Variants in GET4 observed in about 807,000 individuals in gnomAD.
GET4 encodes the protein guided entry of tail-anchored proteins factor 4, also known as Golgi to ER traffic protein 4 homolog.
GET4 carries 20 observed loss-of-function variants against 40.0 expected under a neutral mutation model. The observed-to-expected ratio is 0.50, with a 90% CI of 0.35 to 0.73. The LOEUF is 0.73. GET4 is among the 30% of genes least tolerant of loss of function. The probability of loss-of-function intolerance (pLI) is 0.01; values close to 1 mark genes in which losing one functional copy is unlikely to be tolerated. For synonymous variants in GET4, 280 were observed against 194.6 expected, an observed-to-expected ratio of 1.44 and a Z score of -3.65; for missense variants, 557 against 454.0, an observed-to-expected ratio of 1.23 and a Z score of -2.06.
chr7:895,399 G>T lies in GET4; in HGVS notation c.961G>T (p.Gly321Cys). ...GGATGGGGAGGAGAGCCCCAGCGACGGCAGCCCCATCGAGCTGGACTGAAC... is the reference window on the plus strand; with the variant it reads ...GGATGGGGAGGAGAGCCCCAGCGACTGCAGCCCCATCGAGCTGGACTGAAC... ...QEDGEESPSD[G>C]SPIELD The change falls in exon 9 of 9, where the codon GGC becomes TGC. Residue 321 changes from glycine (G) to cysteine (C), a missense_variant. By Grantham distance (159) the Gly-to-Cys change is radical (BLOSUM62 -3). Coordinates refer to ENST00000265857, the MANE Select transcript of GET4 (RefSeq NM_015949.3). 1 of 1,589,532 alleles carries T rather than the reference G, an allele frequency of 6.3e-7. No individual in the cohort carries two copies. Among genetic ancestry groups the T allele is most frequent in the Non-Finnish European group, 8.6e-7 (1 of 1,159,540 alleles).
chr7:886,513 G>A (rs1844191300), intron 2 of GET4, 56 bp from the exon 3 acceptor site: 7 of 1,325,166 alleles, frequency 5.3e-6, no homozygotes, highest in Non-Finnish European at 7.6e-6. Context: ...TGTCTTTGCT[G>A]TCCTGAACAG....
chr7:878,474 C>A, intron 1 of GET4: 1 of 433,172 alleles, frequency 2.3e-6, no homozygotes, highest in Non-Finnish European at 4.8e-6. Context: ...TTCTAAACTG[C>A]CACAGGGCCG....
Position 895,374 on chromosome 7 carries a change from G to A in GET4, c.936G>A (p.Glu312=), listed in dbSNP as rs747474466. 1.2e-6 allele frequency: 2 copies of A among 1,601,200 alleles called. No individual in the cohort carries two copies. Among genetic ancestry groups the A allele is most frequent in the Non-Finnish European group, 1.7e-6 (2 of 1,169,764 alleles). ...GCCTCATGGGCTCCTCAGAGCAGGA[G>A]GATGGGGAGGAGAGCCCCAGCGACG... ...LTSLMGSSEQ[E]DGEESPSDGS... The change falls in exon 9 of 9, where the codon GAG becomes GAA. Residue 312 remains glutamate (E), a synonymous_variant. Coordinates refer to ENST00000265857, the MANE Select transcript of GET4 (RefSeq NM_015949.3).
At chr7:883,882 G>T (rs1466036176) in intron 1 of GET4, 3 of 1,024,222 alleles carry the variant, frequency 2.9e-6, no homozygotes, top group Admixed American at 5.5e-5. Context: ...CTGGAAACGG[G>T]TGCCCCCAGC....
intron 1 of GET4, 70 bp from the exon 2 acceptor site, chr7:885,986 C>G (rs1228677279): frequency 1.1e-6 from 1 of 942,268 alleles, no homozygotes; most frequent in African/African-American, 1.6e-5. Flanking sequence ...AGCTTCTGAC[C>G]TGAAGATGAG....
In GET4 at chr7:876,562, GT is replaced by G. The variant is rs1843936352; in HGVS notation, c.-83del. The stretch of plus-strand genomic sequence containing the variant: ...TCCTCGCGGGCCACCGTAGAAGGGC[GT>G]CGGGCGGCCGTCGGGACGGAAGCCG... On this transcript the variant is annotated 5_prime_UTR_variant, in exon 1 of 9. Transcript: ENST00000265857. 9.0e-7 allele frequency: 1 copy of G among 1,111,514 alleles called. No homozygotes were observed. The highest frequency in any genetic ancestry group is 4.4e-5 in the South Asian group (1 of 22,686). 68.9% of individuals were successfully genotyped at this position (1,111,514 alleles called of 1,614,324 possible).
At chr7:886,268 G>C (rs896916590) in intron 2 of GET4, 134 bp downstream of exon 2, 40 of 648,968 alleles carry the variant, frequency 6.2e-5, no homozygotes, top group Non-Finnish European at 9.9e-5. Flanking sequence ...GTGGGTGGCA[G>C]AGGGGCCCAG....
At chr7:882,753 C>T (rs1039211496) in intron 1 of GET4, 11 of 152,516 alleles carry the variant, frequency 7.2e-5, no homozygotes, top group African/African-American at 2.4e-4. Context: ...GACGGGGAGT[C>T]ATCTCCCAGG....
chr7:883,818 C>T (rs1208128931), intron 1 of GET4: 6 of 992,078 alleles, frequency 6.0e-6, no homozygotes, highest in Non-Finnish European at 7.2e-6. Context: ...GAGGAGAAGC[C>T]GTCCACGTTC....
intron 8 of GET4, among the ~76,000 whole-genome samples, 176 bp downstream of exon 8, chr7:894,147 C>T (rs780560827): frequency 4.6e-5 from 7 of 152,234 alleles, no homozygotes; most frequent in South Asian, 4.1e-4. Flanking sequence ...GTTGAGAATT[C>T]TGGCACGGTG....
At chr7:877,972 C>G (rs892110810) in intron 1 of GET4, 3 of 212,932 alleles carry the variant, frequency 1.4e-5, no homozygotes, top group African/African-American at 7.3e-5. Context: ...TGCCTCCCTC[C>G]TCCTGGCCTT....
chr7:883,619 G>A, intron 1 of GET4: 2 of 985,488 alleles, frequency 2.0e-6, no homozygotes, highest in Non-Finnish European at 2.4e-6. Flanking sequence ...TTCCCTATCT[G>A]GAAGGCACGT....
intron 1 of GET4, among the ~76,000 whole-genome samples, chr7:878,935 G>A (rs1001582268): frequency 2.0e-5 from 3 of 150,966 alleles, no homozygotes; most frequent in African/African-American, 7.3e-5. Flanking sequence ...AGTGTGGTGT[G>A]TCCTGAATTC....
intron 8 of GET4, 152 bp from the exon 9 acceptor site, chr7:895,182 C>G: frequency 2.1e-6 from 1 of 473,694 alleles, no homozygotes; most frequent in Non-Finnish European, 3.9e-6. Context: ...TGTCCTGTCC[C>G]GGGGTTCCTG....
At chr7:878,678 A>G (rs1237306712) in intron 1 of GET4, among the ~76,000 whole-genome samples, 1 of 150,222 alleles carries the variant, frequency 6.7e-6, no homozygotes, top group Non-Finnish European at 1.5e-5. Flanking sequence ...TCCCGAGTTC[A>G]AGCTATATTC....
rs111458839 is a variant in GET4, at chr7:888,710, C to G, written c.466+1191C>G. Among the ~76,000 whole-genome samples, 898 of 152,372 alleles carry G rather than the reference C, an allele frequency of 5.9e-3. 14 individuals carry two copies. Among genetic ancestry groups the G allele is most frequent in the African/African-American group, 0.021 (866 of 41,592 alleles). ...GGCCCCTGGAGCATACCTGCTGCCG[C>G]CTTCCCTGGCCTCTGGCGACAGCAG... is the stretch of plus-strand genomic sequence containing the variant. On this transcript the variant is annotated intron_variant, in intron 4 of 8. Coordinates refer to ENST00000265857, the MANE Select transcript of GET4 (RefSeq NM_015949.3).
chr7:887,140 C>T (rs1422943911), intron 3 of GET4: 6 of 684,040 alleles, frequency 8.8e-6, no homozygotes, highest in South Asian at 7.5e-5. Context: ...TCCCCAGCCC[C>T]CGCCTCGGCC....
chr7:895,273 G>A (rs1343434436), intron 8 of GET4, 61 bp from the exon 9 acceptor site: 4 of 783,672 alleles, frequency 5.1e-6, no homozygotes, highest in Non-Finnish European at 8.7e-6. Flanking sequence ...GTGGGAAGGA[G>A]GGGCTTGGGG....
rs1396828034 is a variant in GET4, at chr7:892,383, T to G, written c.711T>G (p.Leu237=). ...GGCCTCCGTTTGTGGAGCCGCTGCT[T>G]AACTTCATCTGGTTCCTGCTGCTGG... ...EDGPPFVEPL[L]NFIWFLLLAV... is the part of the protein sequence containing the mutation. Residue 237 remains leucine (L), a synonymous_variant, in exon 6 of 9, where the codon CTT becomes CTG. Coordinates refer to ENST00000265857, the MANE Select transcript of GET4 (RefSeq NM_015949.3). The G allele has an allele frequency of 1.3e-6, 2 of 1,593,194 alleles. No individual in the cohort carries two copies. The highest frequency in any genetic ancestry group is 1.7e-6 in the Non-Finnish European group (2 of 1,162,824).
Sources: allele counts gnomAD v4.1 joint callset (sites outside exome capture counted in the v4.1 genomes callset), GRCh38; gene constraint gnomAD v4.1.1; transcripts MANE v1.5; gene names NCBI Gene and HGNC (gene_info 2026-07-23, HGNC 2026-07-21).